GALNT8: variants seen among roughly 807,000 people sequenced by gnomAD.
GALNT8 encodes the protein polypeptide N-acetylgalactosaminyltransferase 8.
GALNT8 carries 66 observed loss-of-function variants against 62.7 expected under a neutral mutation model. That is an observed-to-expected ratio of 1.05 (90% CI 0.86 to 1.29). GALNT8 has a LOEUF of 1.29. GALNT8 is among the 50% of genes most tolerant of loss of function. The probability of loss-of-function intolerance (pLI) is 0.00; values close to 1 mark genes in which losing one functional copy is unlikely to be tolerated. For synonymous variants in GALNT8, 288 were observed against 294.3 expected (o/e 0.98, Z 0.22); for missense variants, 771 against 791.8 (o/e 0.97, Z 0.32).
intron 6 of GALNT8, 55 bp downstream of exon 6, chr12:4,746,313 A>G: frequency 2.1e-6 from 2 of 957,820 alleles, no homozygotes; most frequent in Non-Finnish European, 3.4e-6. Context: ...AATAATAGAA[A>G]GGTAGTAGGA....
At position 4,764,045 on chromosome 12, in the gene GALNT8, C is replaced by G; in HGVS notation, c.1591C>G (p.Gln531Glu). The stretch of plus-strand genomic sequence containing the variant: ...GTATTACTGCCATGAATTCAGCTCA[C>G]AGGTATCTTCCACAATCTTCCTGGC... ...IMYYCHEFSS[Q>E]NVYYHLTGEL... is the part of the protein sequence containing the mutation. Residue 531 changes from glutamine to glutamate, a missense_variant and splice_region_variant, in exon 9 of 11, where the codon CAG becomes GAG. Coordinates refer to ENST00000252318, the MANE Select transcript of GALNT8 (RefSeq NM_017417.2). 6.6e-7 allele frequency: 1 copy of G among 1,523,904 alleles called. No individual in the cohort carries two copies. Among genetic ancestry groups the G allele is most frequent in the Non-Finnish European group, 9.1e-7 (1 of 1,097,012 alleles). The allele number at this position is 1,523,904 out of a possible 1,614,324, so 94.4% of individuals were successfully genotyped here.
chr12:4,746,571 G>A (rs1421431889), intron 6 of GALNT8, among the ~76,000 whole-genome samples: 1 of 152,060 alleles, frequency 6.6e-6, no homozygotes, highest in Non-Finnish European at 1.5e-5. Flanking sequence ...CTTAACCTTG[G>A]AGCAGACAAT....
chr12:4,771,920 A>T lies in GALNT8; in HGVS notation c.1762-525A>T, dbSNP rs1021953215. Among the ~76,000 whole-genome samples, 12 of 152,216 alleles carry T rather than the reference A, an allele frequency of 7.9e-5. 1 individual carries two copies. Among genetic ancestry groups the T allele is most frequent in the African/African-American group, 2.7e-4 (11 of 41,462 alleles). ...CCCTGACTTTGTAGCACTAAAGCCTATCATGTTCCCAGTTATAAACCTTAG... is the reference window on the plus strand; with the variant it reads ...CCCTGACTTTGTAGCACTAAAGCCTTTCATGTTCCCAGTTATAAACCTTAG... On this transcript the variant is annotated intron_variant, in intron 10 of 10. Coordinates refer to ENST00000252318, the MANE Select transcript of GALNT8 (RefSeq NM_017417.2).
chr12:4,758,666 GAGAGAGAGAGAT>G (rs1190409508), intron 6 of GALNT8, among the ~76,000 whole-genome samples: 14 of 150,134 alleles, frequency 9.3e-5, no homozygotes, highest in Non-Finnish European at 1.9e-4. Flanking sequence ...GAGAGAGAGA[GAGAGAGAGAGAT>G]GATGGAAGGA....
chr12:4,723,623 G>T (rs1946180895), intron 1 of GALNT8, among the ~76,000 whole-genome samples: 1 of 152,068 alleles, frequency 6.6e-6, no homozygotes. Flanking sequence ...TTTTTGCAAA[G>T]ATCTTTCTTG....
chr12:4,745,306 C>T, intron 4 of GALNT8, 123 bp from the exon 5 acceptor site: 1 of 686,806 alleles, frequency 1.5e-6, no homozygotes, highest in Non-Finnish European at 2.6e-6. Context: ...ACTCACAACC[C>T]AGTACAGCCT....
Position 4,726,504 on chromosome 12 carries a change from C to G in GALNT8, c.212-28C>G, listed in dbSNP as rs570383026. On this transcript the variant is annotated intron_variant, in intron 1 of 10. Transcript: ENST00000252318. This position sits in a 1 kb window ranked among gnomAD's most constrained non-coding sequence, Gnocchi z 4.1. ...CTAAGGAGGGGCTGAAATGTTTTCT[C>G]TCCCACCCCTGTCCTCTTCATTTGC... 2 of 1,561,736 alleles carry G rather than the reference C, an allele frequency of 1.3e-6. No homozygotes were observed. Among genetic ancestry groups the G allele is most frequent in the South Asian group, 1.2e-5 (1 of 84,576 alleles).
chr12:4,735,357 T>G (rs937125734), intron 2 of GALNT8, among the ~76,000 whole-genome samples: 5 of 152,140 alleles, frequency 3.3e-5, no homozygotes, highest in Admixed American at 3.3e-4. Context: ...TTGTTCCCCC[T>G]ACCCACCGTC....
rs1946194697 is a variant in GALNT8, at chr12:4,726,213, G to C, written c.212-319G>C. On this transcript the variant is annotated intron_variant, in intron 1 of 10. Transcript: ENST00000252318. The surrounding 1 kb of genome is among the most constrained non-coding windows in gnomAD (Gnocchi z 4.1). The stretch of plus-strand genomic sequence containing the variant: ...TGATTCTGATGTAAGTGGTTCTCAG[G>C]CCTCATTCTGAAAAACATTAGCTTA... Among the ~76,000 whole-genome samples the C allele has an allele frequency of 6.6e-6, 1 of 152,008 alleles. No homozygotes were observed. The highest frequency in any genetic ancestry group is 2.4e-5 in the African/African-American group (1 of 41,384).
intron 10 of GALNT8, 72 bp downstream of exon 10, chr12:4,765,618 G>T: frequency 8.3e-7 from 1 of 1,211,104 alleles, no homozygotes; most frequent in Non-Finnish European, 1.2e-6. Context: ...GTCTTGCTCT[G>T]CAGCCCAGGC....
intron 4 of GALNT8, among the ~76,000 whole-genome samples, chr12:4,745,041 A>G (rs188319631): frequency 5.3e-4 from 81 of 152,342 alleles, no homozygotes; most frequent in Non-Finnish European, 9.7e-4. Context: ...ATGAAATTAC[A>G]TAATAAAATA....
At chr12:4,754,976 C>G (rs1946338175) in intron 6 of GALNT8, among the ~76,000 whole-genome samples, 1 of 152,198 alleles carries the variant, frequency 6.6e-6, no homozygotes, top group African/African-American at 2.4e-5. Context: ...AAGATGCAGT[C>G]AAAGTCCTCC....
intron 2 of GALNT8, among the ~76,000 whole-genome samples, chr12:4,728,038 T>G (rs1946204287): frequency 6.6e-6 from 1 of 152,192 alleles, no homozygotes; most frequent in East Asian, 1.9e-4. Flanking sequence ...GTTATTATTT[T>G]TCTTTTTAAC....
chr12:4,771,965 G>T (rs77782657), intron 10 of GALNT8, among the ~76,000 whole-genome samples: 1 of 152,200 alleles, frequency 6.6e-6, no homozygotes, highest in African/African-American at 2.4e-5. Flanking sequence ...CTCAATAGGA[G>T]AGGCGGGAAG....
chr12:4,764,808 T>C (rs1409844449), intron 9 of GALNT8, among the ~76,000 whole-genome samples: 4 of 150,890 alleles, frequency 2.7e-5, no homozygotes, highest in African/African-American at 9.7e-5. Context: ...CACCTTGGCC[T>C]CCCAAAGTGC....
Position 4,726,965 on chromosome 12 carries a change from T to G in GALNT8, c.509+136T>G. ...TTCAGGCTGAGCAAAGTTGTTGTTT[T>G]CAATTTATTTTATAATGACAGCTCA... On this transcript the variant is annotated intron_variant, in intron 2 of 10. Transcript: ENST00000252318. This position sits in a 1 kb window ranked among gnomAD's most constrained non-coding sequence, Gnocchi z 4.1. 2 of 688,902 alleles carry G rather than the reference T, an allele frequency of 2.9e-6. No homozygotes were observed. Among genetic ancestry groups the G allele is most frequent in the East Asian group, 2.6e-5 (1 of 38,180 alleles). 42.7% of individuals were successfully genotyped at this position (688,902 alleles called of 1,614,324 possible). A position where few individuals can be genotyped will look rare whatever the true frequency, so the allele number is the denominator to read the frequency against.
In GALNT8 at chr12:4,749,573, A is replaced by AC. The variant is rs938909003; in HGVS notation, c.1173+3315_1173+3316insC. On this transcript the variant is annotated intron_variant, in intron 6 of 10. Coordinates refer to ENST00000252318, the MANE Select transcript of GALNT8 (RefSeq NM_017417.2). The surrounding 1 kb of genome is among the most constrained non-coding windows in gnomAD (Gnocchi z 4.1). ...TCAGTTTGCTAATATTTTGTTGAGGATTTTTGTGCCAATATTCATCAGAGA... is the reference window on the plus strand; with the variant it reads ...TCAGTTTGCTAATATTTTGTTGAGGACTTTTTGTGCCAATATTCATCAGAGA... Among the ~76,000 whole-genome samples the AC allele has an allele frequency of 6.6e-6, 1 of 150,676 alleles. No homozygotes were observed. Among genetic ancestry groups the AC allele is most frequent in the African/African-American group, 2.4e-5 (1 of 40,950 alleles).
At chr12:4,762,187 G>A (rs1946376344) in intron 7 of GALNT8, among the ~76,000 whole-genome samples, 1 of 152,138 alleles carries the variant, frequency 6.6e-6, no homozygotes, top group Admixed American at 6.5e-5. Flanking sequence ...GGTATGATAG[G>A]AAAACAAGTA....
rs562685314 is a variant in GALNT8, at chr12:4,765,553, T to A, written c.1761+7T>A. On this transcript the variant is annotated splice_region_variant and intron_variant, in intron 10 of 10. Coordinates refer to ENST00000252318, the MANE Select transcript of GALNT8 (RefSeq NM_017417.2). The stretch of plus-strand genomic sequence containing the variant: ...ATATTGGGATTTTAAACCGGTGAGT[T>A]ATGTGTTTTTGTTTGTTGGTTTGTT... 6.3e-7 allele frequency: 1 copy of A among 1,594,792 alleles called. No individual in the cohort carries two copies. Among genetic ancestry groups the A allele is most frequent in the East Asian group, 2.2e-5 (1 of 44,680 alleles).
Sources: gnomAD v4.1 joint callset for allele counts (sites outside exome capture counted in the v4.1 genomes callset) on GRCh38, gnomAD v4.1.1 for gene constraint, Gnocchi (gnomAD v3.1) non-coding constraint, MANE v1.5 for transcripts, NCBI Gene and HGNC (gene_info 2026-07-23, HGNC 2026-07-21) for gene names.